FRMPD4: variants seen among roughly 807,000 people sequenced by gnomAD.
FRMPD4 encodes the protein FERM and PDZ domain containing 4.
A neutral mutation model predicts 94.1 loss-of-function variants in FRMPD4; 22 were observed. The ratio of observed to expected loss-of-function variants is 0.23; its 90% CI spans 0.17 to 0.33. The LOEUF is 0.33. Among genes scored for constraint, FRMPD4 ranks in the 10% least tolerant of loss-of-function variants. The pLI is 1.00. For synonymous variants in FRMPD4, 631 were observed against 548.6 expected (o/e 1.15, Z -2.10); for missense variants, 1,111 against 1,339.9 (o/e 0.83, Z 2.67).
intron 1 of FRMPD4, among the ~76,000 whole-genome samples, chrX:11,829,196 A>G (rs1283168526): frequency 8.9e-6 from 1 of 112,055 alleles, no homozygotes; most frequent in Non-Finnish European, 1.9e-5. Context: ...AATACCCAAA[A>G]TAATGTTTGA....
intron 1 of FRMPD4, among the ~76,000 whole-genome samples, chrX:12,212,487 A>G (rs1218296498): frequency 9.0e-6 from 1 of 111,438 alleles, no homozygotes; most frequent in Non-Finnish European, 1.9e-5. Context: ...GCAACAAGCT[A>G]GAAGGAGACT....
At chrX:12,242,143 A>G (rs901918087) in intron 1 of FRMPD4, among the ~76,000 whole-genome samples, 2 of 111,740 alleles carry the variant, frequency 1.8e-5, no homozygotes, top group Non-Finnish European at 3.8e-5. Flanking sequence ...AAATGTGACT[A>G]TATCTATATT....
chrX:11,918,917 A>G (rs2054040119), intron 3 of FRMPD4, among the ~76,000 whole-genome samples: 1 of 112,624 alleles, frequency 8.9e-6, no homozygotes, highest in Admixed American at 9.3e-5. Flanking sequence ...TGGGATGGCA[A>G]TGCCGGACAC....
At chrX:11,915,660 A>G (rs1296656106) in intron 3 of FRMPD4, among the ~76,000 whole-genome samples, 1 of 112,556 alleles carries the variant, frequency 8.9e-6, no homozygotes, top group Non-Finnish European at 1.9e-5. Context: ...TGTTGTAGTG[A>G]CTACCATATT....
At chrX:12,570,022 C>T (rs1197602166) in intron 2 of FRMPD4, among the ~76,000 whole-genome samples, 2 of 112,194 alleles carry the variant, frequency 1.8e-5, no homozygotes, top group Non-Finnish European at 3.8e-5. Flanking sequence ...TTTCATTACC[C>T]TCTGTTTGAG....
chrX:12,003,064 AC>A (rs1232453065), intron 3 of FRMPD4, among the ~76,000 whole-genome samples: 1 of 111,092 alleles, frequency 9.0e-6, no homozygotes, highest in African/African-American at 3.3e-5. Flanking sequence ...CTCATAGCAC[AC>A]CCCCATTCAT....
intron 1 of FRMPD4, among the ~76,000 whole-genome samples, chrX:12,458,143 G>A (rs1352450106): frequency 8.9e-6 from 1 of 111,783 alleles, no homozygotes; most frequent in African/African-American, 3.3e-5. Context: ...TCTTTAATGG[G>A]TTTCCTTGGC....
rs760671556 is a variant in FRMPD4 at position 12,718,670 on chromosome X, A to C, written c.3844A>C (p.Thr1282Pro). 5 of 1,207,000 alleles carry C rather than the reference A, an allele frequency of 4.1e-6. No individual in the cohort carries two copies. The highest frequency in any genetic ancestry group is 3.5e-5 in the African/African-American group (2 of 57,157). The change falls in exon 16 of 17, where the codon ACA becomes CCA. Residue 1282 changes from threonine (T) to proline (P), a missense_variant. Around this residue, in one of 8 missense-constraint regions of FRMPD4, gnomAD observed 551 missense variants for 591.6 expected, o/e 0.93. Transcript: ENST00000675598. ...CACCTTTAAGGAACTGCACCCACAGACAGAAGGGATGTGTCCACGGATGAC... is the reference window on the plus strand; with the variant it reads ...CACCTTTAAGGAACTGCACCCACAGCCAGAAGGGATGTGTCCACGGATGAC... ...GATFKELHPQ[T>P]EGMCPRMTVP...
At chrX:11,892,147 G>A (rs948158433) in intron 3 of FRMPD4, among the ~76,000 whole-genome samples, 1 of 112,089 alleles carries the variant, frequency 8.9e-6, no homozygotes, top group Non-Finnish European at 1.9e-5. Context: ...TTCAAGTGCT[G>A]TTTAGTTGGT....
chrX:11,956,529 G>A (rs1180059806), intron 3 of FRMPD4, among the ~76,000 whole-genome samples: 1 of 111,404 alleles, frequency 9.0e-6, no homozygotes, highest in Non-Finnish European at 1.9e-5. Flanking sequence ...TAGTAGATTC[G>A]GGATCCTATA....
intron 2 of FRMPD4, among the ~76,000 whole-genome samples, chrX:12,578,568 A>C (rs1475032065): frequency 8.9e-6 from 1 of 111,900 alleles, no homozygotes; most frequent in Admixed American, 9.5e-5. Flanking sequence ...ATATATATAC[A>C]TACTGTATAG....
intron 1 of FRMPD4, among the ~76,000 whole-genome samples, chrX:12,346,603 A>G (rs931192875): frequency 9.0e-6 from 1 of 111,643 alleles, no homozygotes; most frequent in African/African-American, 3.3e-5. Context: ...CCTTTTGTAC[A>G]TACGCCACTG....
At chrX:11,889,284 C>T (rs2053861932) in intron 3 of FRMPD4, among the ~76,000 whole-genome samples, 1 of 111,994 alleles carries the variant, frequency 8.9e-6, no homozygotes, top group African/African-American at 3.2e-5. Flanking sequence ...CCAATAAGCC[C>T]ATCATAAATT....
intron 4 of FRMPD4, among the ~76,000 whole-genome samples, chrX:12,615,254 A>G (rs926242850): frequency 8.9e-6 from 1 of 112,342 alleles, no homozygotes; most frequent in East Asian, 2.8e-4. Flanking sequence ...GTAATTTTAT[A>G]TACATAATCC....
At chrX:11,869,293 A>G (rs1392399563) in intron 2 of FRMPD4, among the ~76,000 whole-genome samples, 5 of 112,277 alleles carry the variant, frequency 4.5e-5, no homozygotes, top group African/African-American at 6.5e-5. Flanking sequence ...TTGAAGCAAT[A>G]GATTCATTAT....
Position 11,941,287 on chromosome X carries a change from C to G in FRMPD4, c.95+63269C>G, listed in dbSNP as rs1407680461. 7.4e-5 allele frequency among the ~76,000 whole-genome samples: 4 copies of G among 53,843 alleles called. 2 individuals are homozygous for G. Among genetic ancestry groups the G allele is most frequent in the Non-Finnish European group, 1.8e-4 (4 of 22,068 alleles). The allele number at this position is 53,843 out of a possible 115,157, so 46.8% of individuals were successfully genotyped here. On this transcript the variant is annotated intron_variant, in intron 3 of 18. Coordinates refer to the FRMPD4 transcript ENST00000640291. The stretch of plus-strand genomic sequence containing the variant: ...CTGGGAGCTGTAGACCGGAGCTGTT[C>G]CTATTCGGCCATCTTGGCTCCTCCC...
chrX:12,095,489 A>G (rs2055191449), intron 3 of FRMPD4, among the ~76,000 whole-genome samples: 1 of 111,983 alleles, frequency 8.9e-6, no homozygotes, highest in Admixed American at 9.5e-5. Context: ...ATTTATTTAC[A>G]TATGTCTGTG....
At chrX:11,890,919 A>G in intron 3 of FRMPD4, among the ~76,000 whole-genome samples, 1 of 112,198 alleles carries the variant, frequency 8.9e-6, no homozygotes, top group Non-Finnish European at 1.9e-5. Context: ...TGAAGTGAAG[A>G]TGCTGGCACA....
At chrX:12,370,968 A>G (rs761182086) in intron 1 of FRMPD4, among the ~76,000 whole-genome samples, 1 of 112,064 alleles carries the variant, frequency 8.9e-6, no homozygotes, top group East Asian at 2.8e-4. Flanking sequence ...TAGTAGTATC[A>G]TTGCCAAGGG....
Sources: gnomAD v4.1 joint callset for allele counts (sites outside exome capture counted in the v4.1 genomes callset) on GRCh38, gnomAD v4.1.1 for gene constraint, gnomAD v4.1.1 regional missense constraint, MANE v1.5 for transcripts, NCBI Gene and HGNC (gene_info 2026-07-23, HGNC 2026-07-21) for gene names.